AHI1: variants seen among roughly 807,000 people sequenced by gnomAD.
The protein encoded by AHI1 is Abelson helper integration site 1, also known as jouberin.
Under a neutral mutation model 149.3 loss-of-function variants are expected in AHI1, and 123 were observed. The ratio of observed to expected loss-of-function variants is 0.82; its 90% CI spans 0.71 to 0.96. AHI1 has a LOEUF of 0.96. Among genes scored for constraint, AHI1 ranks in the 40% least tolerant of loss-of-function variants. The pLI is 0.00. For missense variants in AHI1, 1,439 were observed against 1,422.7 expected (o/e 1.01, Z -0.18); for synonymous variants, 475 against 459.8 (o/e 1.03, Z -0.42).
At chr6:135,384,102 G>A (rs1051016650) in intron 23 of AHI1, among the ~76,000 whole-genome samples, 37 of 152,272 alleles carry the variant, frequency 2.4e-4, no homozygotes, top group African/African-American at 8.4e-4. Context: ...TTATTGAAAT[G>A]TTTTCAACAG....
Position 135,290,511 on chromosome 6 carries a change from T to G in AHI1, c.3500A>C (p.Lys1167Thr). Reference protein sequence around the residue: ...SESMTHSEMRKEQSHEDQGHI... With the variant: ...SESMTHSEMRTEQSHEDQGHI... ...TCCTTGGTCCTCATGGCTCTGTTCT[T>G]TTCTCATTTCAGAACTATAGGAGGG... is the stretch of plus-strand genomic sequence containing the variant. The change falls in exon 28 of 29, where the codon AAA becomes ACA. Residue 1167 changes from lysine to threonine, a missense_variant. Lys to Thr is a moderately conservative substitution (Grantham distance 78, BLOSUM62 -1). Coordinates refer to ENST00000265602, the MANE Select transcript of AHI1 (RefSeq NM_001134831.2). 1 of 1,613,872 alleles carries G rather than the reference T, an allele frequency of 6.2e-7. No individual in the cohort carries two copies. The highest frequency in any genetic ancestry group is 1.3e-5 in the African/African-American group (1 of 75,026).
intron 24 of AHI1, among the ~76,000 whole-genome samples, chr6:135,357,445 A>G (rs979713817): frequency 1.3e-5 from 2 of 152,190 alleles, no homozygotes; most frequent in African/African-American, 4.8e-5. Context: ...AAAATCCAAA[A>G]CACTTCTGGT....
chr6:135,388,012 T>C (rs1345050050), intron 23 of AHI1: 1 of 1,613,828 alleles, frequency 6.2e-7, no homozygotes, highest in South Asian at 1.1e-5. Flanking sequence ...TATACATGTG[T>C]TGAATTCAGC....
intron 24 of AHI1, among the ~76,000 whole-genome samples, chr6:135,335,455 A>C (rs1407306550): frequency 2.0e-5 from 3 of 152,034 alleles, no homozygotes; most frequent in Admixed American, 6.5e-5. Flanking sequence ...TTAAAAAAAA[A>C]AACCACTCTC....
At chr6:135,429,625 TACTC>T (rs1784372492) in intron 18 of AHI1, among the ~76,000 whole-genome samples, 1 of 151,584 alleles carries the variant, frequency 6.6e-6, no homozygotes, top group Admixed American at 6.6e-5. Context: ...GCCTCAGAAC[TACTC>T]ACATTTTGGG....
intron 23 of AHI1, among the ~76,000 whole-genome samples, chr6:135,363,889 G>C (rs1394813337): frequency 1.3e-5 from 2 of 149,430 alleles, no homozygotes; most frequent in East Asian, 2.0e-4. Flanking sequence ...GGCCGGACGG[G>C]GGGCTGACCC....
intron 15 of AHI1, among the ~76,000 whole-genome samples, chr6:135,437,596 A>T (rs1785599254): frequency 6.6e-6 from 1 of 152,242 alleles, no homozygotes; most frequent in Non-Finnish European, 1.5e-5. Flanking sequence ...CTGAACACTA[A>T]AAGTAACACG....
intron 24 of AHI1, among the ~76,000 whole-genome samples, chr6:135,350,488 T>C (rs1198881140): frequency 1.3e-5 from 2 of 152,204 alleles, no homozygotes; most frequent in Non-Finnish European, 1.5e-5. Flanking sequence ...CAGTATCTAC[T>C]GAAGGCCTAT....
At chr6:135,420,497 G>A (rs189210647) in intron 20 of AHI1, among the ~76,000 whole-genome samples, 1 of 152,236 alleles carries the variant, frequency 6.6e-6, no homozygotes, top group Admixed American at 6.6e-5. Context: ...AATGATCTCA[G>A]CTAGATCTTC....
intron 8 of AHI1, among the ~76,000 whole-genome samples, chr6:135,459,869 T>C (rs1789596134): frequency 6.6e-6 from 1 of 152,088 alleles, no homozygotes; most frequent in Non-Finnish European, 1.5e-5. Flanking sequence ...TATTACATGA[T>C]TGCATATGTA....
chr6:135,348,963 AAAT>A (rs1214221471), intron 24 of AHI1, among the ~76,000 whole-genome samples: 1 of 152,174 alleles, frequency 6.6e-6, no homozygotes, highest in East Asian at 1.9e-4. Flanking sequence ...ACAAATATAT[AAAT>A]AATGAGAAGA....
chr6:135,369,957 T>C (rs113398216), intron 23 of AHI1, among the ~76,000 whole-genome samples: 1,812 of 152,306 alleles, frequency 0.012, 36 homozygotes, highest in African/African-American at 0.041. Flanking sequence ...ATTTAACATA[T>C]GTGTAACAGA....
At chr6:135,394,292 T>C (rs1361259854) in intron 23 of AHI1, among the ~76,000 whole-genome samples, 4 of 152,112 alleles carry the variant, frequency 2.6e-5, no homozygotes, top group Admixed American at 1.3e-4. Flanking sequence ...AACAATTGTA[T>C]AGTTCACTTC....
At chr6:135,477,144 C>T (rs898731264) in intron 5 of AHI1, among the ~76,000 whole-genome samples, 8 of 151,660 alleles carry the variant, frequency 5.3e-5, no homozygotes, top group African/African-American at 1.9e-4. Context: ...GGGTTCATGC[C>T]ATTCTCCTGC....
intron 23 of AHI1, among the ~76,000 whole-genome samples, chr6:135,378,031 A>G (rs1236093119): frequency 1.3e-5 from 2 of 152,222 alleles, no homozygotes; most frequent in Non-Finnish European, 1.5e-5. Flanking sequence ...TCAGTTATTT[A>G]TAATTCTCCA....
intron 23 of AHI1, among the ~76,000 whole-genome samples, chr6:135,375,060 T>C (rs530860169): frequency 2.6e-5 from 4 of 152,226 alleles, no homozygotes; most frequent in African/African-American, 7.2e-5. Flanking sequence ...GTTTGGATGC[T>C]TTTCTGACAT....
At chr6:135,406,628 C>T (rs1780835473) in intron 21 of AHI1, among the ~76,000 whole-genome samples, 1 of 152,118 alleles carries the variant, frequency 6.6e-6, no homozygotes, top group Non-Finnish European at 1.5e-5. Context: ...GTGGTATCTC[C>T]TGTGGGGTAG....
intron 24 of AHI1, among the ~76,000 whole-genome samples, chr6:135,332,218 C>T (rs548474160): frequency 1.3e-4 from 20 of 152,122 alleles, no homozygotes; most frequent in South Asian, 1.2e-3. Flanking sequence ...TACAGGCGTG[C>T]ACCACTATGC....
At chr6:135,443,897 A>G (rs1004836532) in intron 13 of AHI1, among the ~76,000 whole-genome samples, 3 of 152,316 alleles carry the variant, frequency 2.0e-5, no homozygotes, top group South Asian at 4.1e-4. Flanking sequence ...AAGAAATGTC[A>G]GGAGGCTTTA....
Sources: gnomAD v4.1 joint callset for allele counts (sites outside exome capture counted in the v4.1 genomes callset) on GRCh38, gnomAD v4.1.1 for gene constraint, MANE v1.5 for transcripts, NCBI Gene and HGNC (gene_info 2026-07-23, HGNC 2026-07-21) for gene names.